The following TNR variants were observed in gnomAD, a reference collection of about 807,000 sequenced individuals.
TNR encodes tenascin-R.
In TNR, 45 loss-of-function variants were observed where a neutral mutation model predicts 150.4. The observed-to-expected ratio is 0.30, with a 90% CI of 0.24 to 0.38. The LOEUF (loss-of-function observed/expected upper bound fraction) is 0.38. TNR is among the 10% of genes least tolerant of loss of function. The pLI is 1.00. For synonymous variants in TNR, 687 were observed against 678.4 expected (o/e 1.01, Z -0.20); for missense variants, 1,544 against 1,759.1 (o/e 0.88, Z 2.19).
Position 175,391,274 on chromosome 1 carries a change from T to A in TNR, c.1507+14A>T. 1.2e-6 allele frequency: 2 copies of A among 1,612,666 alleles called. No homozygotes were observed. Among genetic ancestry groups the A allele is most frequent in the Non-Finnish European group, 1.7e-6 (2 of 1,179,698 alleles). ...TAGTAGGCAGCTCTAGGGAGAAGGG[T>A]TGGAGGCACTCACCTGTGGAGACGC... On this transcript the variant is annotated intron_variant, in intron 7 of 22. Transcript: ENST00000367674.
At position 175,712,787 on chromosome 1, in the gene TNR, C is replaced by T. The variant is rs535642262; in HGVS notation, c.-165+30439G>A. Among the ~76,000 whole-genome samples, 45 of 152,196 alleles carry T rather than the reference C, an allele frequency of 3.0e-4. No individual in the cohort carries two copies. In the South Asian group the frequency reaches 3.1e-3, roughly 11 times the overall value. On this transcript the variant is annotated intron_variant, in intron 1 of 22. Transcript: ENST00000367674. The stretch of plus-strand genomic sequence containing the variant: ...TGATTGTGAGCTTCCTGAGGCCTCC[C>T]GAGAAACTGAGCAGATGCCAGCACC...
intron 3 of TNR, among the ~76,000 whole-genome samples, chr1:175,404,597 GT>G (rs1261534380): frequency 6.6e-6 from 1 of 152,186 alleles, no homozygotes; most frequent in African/African-American, 2.4e-5. Context: ...TTACATCCTT[GT>G]TTAATTCTGC....
At chr1:175,395,752 T>C (rs1653396966) in intron 5 of TNR, among the ~76,000 whole-genome samples, 1 of 152,232 alleles carries the variant, frequency 6.6e-6, no homozygotes, top group African/African-American at 2.4e-5. Context: ...AAAAATATAA[T>C]AATTATTTCC....
At chr1:175,474,142 G>C (rs1165468462) in intron 2 of TNR, among the ~76,000 whole-genome samples, 1 of 152,128 alleles carries the variant, frequency 6.6e-6, no homozygotes, top group Admixed American at 6.5e-5. Flanking sequence ...GCATTTAGGA[G>C]CCAGGTAAGT....
chr1:175,445,629 C>T (rs569813420), intron 2 of TNR, among the ~76,000 whole-genome samples: 7 of 152,210 alleles, frequency 4.6e-5, no homozygotes, highest in Admixed American at 1.3e-4. Flanking sequence ...TAGTCACTGC[C>T]GACTGGTAAT....
In TNR at chr1:175,706,398, C is replaced by CCATT. The variant is rs1666843207; in HGVS notation, c.-165+36824_-165+36827dup. On this transcript the variant is annotated intron_variant, in intron 1 of 22. Coordinates refer to ENST00000367674, the MANE Select transcript of TNR (RefSeq NM_003285.3). ...CTGAATTTGGAGTATTGGGCACCAC[C>CCATT]CATTGAGAAGGACATTAACAAGCCA... 3.9e-5 allele frequency among the ~76,000 whole-genome samples: 6 copies of CCATT among 152,078 alleles called. No individual in the cohort carries two copies. In the South Asian group the frequency reaches 1.2e-3, roughly 32 times the overall value.
chr1:175,413,075 G>T (rs1654283706), intron 2 of TNR, among the ~76,000 whole-genome samples: 2 of 152,238 alleles, frequency 1.3e-5, no homozygotes, highest in Non-Finnish European at 2.9e-5. Flanking sequence ...AGCCAGGCTG[G>T]AGTGCAGTGG....
chr1:175,665,179 A>G (rs1182897585), intron 1 of TNR, among the ~76,000 whole-genome samples: 1 of 152,212 alleles, frequency 6.6e-6, no homozygotes, highest in Non-Finnish European at 1.5e-5. Context: ...CTCTGCCACA[A>G]TCCTGGGAAA....
At chr1:175,340,599 G>C (rs1367869067) in intron 18 of TNR, among the ~76,000 whole-genome samples, 2 of 152,214 alleles carry the variant, frequency 1.3e-5, no homozygotes, top group Non-Finnish European at 2.9e-5. Context: ...CAGATTCCTG[G>C]TTTCCATAGC....
At chr1:175,704,278 T>C (rs1185606811) in intron 1 of TNR, among the ~76,000 whole-genome samples, 1 of 152,218 alleles carries the variant, frequency 6.6e-6, no homozygotes, top group Non-Finnish European at 1.5e-5. Flanking sequence ...TACCATAACA[T>C]GTGACAAGAG....
chr1:175,368,942 CTG>C (rs1456268779), intron 9 of TNR, among the ~76,000 whole-genome samples: 1 of 152,032 alleles, frequency 6.6e-6, no homozygotes. Context: ...GAGTGAGACT[CTG>C]TATCAAAAAA....
At chr1:175,400,956 T>A (rs977034492) in intron 4 of TNR, among the ~76,000 whole-genome samples, 1 of 152,232 alleles carries the variant, frequency 6.6e-6, no homozygotes, top group African/African-American at 2.4e-5. Flanking sequence ...AAATGAGTGG[T>A]GGCTCTAGGG....
intron 1 of TNR, among the ~76,000 whole-genome samples, chr1:175,554,711 C>A (rs1048533321): frequency 6.6e-6 from 1 of 152,198 alleles, no homozygotes; most frequent in Non-Finnish European, 1.5e-5. Flanking sequence ...CAGCCCCCAC[C>A]CCTGAGCTTG....
intron 1 of TNR, among the ~76,000 whole-genome samples, chr1:175,655,478 C>G (rs1442398575): frequency 6.6e-6 from 1 of 152,190 alleles, no homozygotes; most frequent in African/African-American, 2.4e-5. Context: ...TTGGCAAGAG[C>G]TGGCATTCAG....
At chr1:175,516,818 T>G (rs1359442654) in intron 2 of TNR, among the ~76,000 whole-genome samples, 1 of 152,220 alleles carries the variant, frequency 6.6e-6, no homozygotes, top group Non-Finnish European at 1.5e-5. Context: ...ATTTTATTTG[T>G]AGTGCATTTT....
chr1:175,504,576 A>G (rs1381624758), intron 2 of TNR, among the ~76,000 whole-genome samples: 2 of 152,010 alleles, frequency 1.3e-5, no homozygotes, highest in African/African-American at 4.8e-5. Flanking sequence ...AGGTCTACTC[A>G]GTGTGGAGAG....
chr1:175,340,513 A>C (rs1425706363), intron 18 of TNR, among the ~76,000 whole-genome samples: 1 of 152,184 alleles, frequency 6.6e-6, no homozygotes, highest in Non-Finnish European at 1.5e-5. Flanking sequence ...CTTGTCCAAA[A>C]TATTATTCCT....
At chr1:175,379,470 G>C (rs1011617977) in intron 9 of TNR, 82 bp downstream of exon 9, 20 of 1,330,924 alleles carry the variant, frequency 1.5e-5, no homozygotes, top group Non-Finnish European at 2.1e-5. Context: ...CCATGGGTTT[G>C]TAAGATGTGT....
rs185539997 is a variant in TNR at position 175,519,676 on chromosome 1, A to G, written c.-64+8593T>C. Among the ~76,000 whole-genome samples the G allele has an allele frequency of 2.6e-5, 4 of 152,344 alleles. No individual in the cohort carries two copies. In the East Asian group the frequency reaches 7.7e-4, roughly 29 times the overall value. On this transcript the variant is annotated intron_variant, in intron 2 of 22. Transcript: ENST00000367674. ...TTACCTCTTCTGATGAAGGAGAGAT[A>G]GGTTGCTCTACAGGGGTGCCCTGCT... is the stretch of plus-strand genomic sequence containing the variant.
Sources: allele counts gnomAD v4.1 joint callset (sites outside exome capture counted in the v4.1 genomes callset), GRCh38; gene constraint gnomAD v4.1.1; transcripts MANE v1.5; gene names NCBI Gene and HGNC (gene_info 2026-07-23, HGNC 2026-07-21).